The following SYN2 variants were observed in gnomAD, a reference collection of about 807,000 sequenced individuals.
The protein encoded by SYN2 is synapsin-2.
A neutral mutation model predicts 50.9 loss-of-function variants in SYN2; 19 were observed. The observed-to-expected ratio is 0.37, with a 90% confidence interval of 0.26 to 0.55. The LOEUF is 0.55. Among genes scored for constraint, SYN2 ranks in the 20% least tolerant of loss-of-function variants. SYN2 has a pLI of 0.81. For missense variants in SYN2, 587 were observed against 576.4 expected, an observed-to-expected ratio of 1.02 and a Z score of -0.19; for synonymous variants, 255 against 224.9, an observed-to-expected ratio of 1.13 and a Z score of -1.20.
At position 12,191,125 on chromosome 3, in the gene SYN2, G is replaced by A. The variant is rs1459090697; in HGVS notation, c.*500G>A. 1.8e-5 allele frequency: 18 copies of A among 986,182 alleles called. No homozygotes were observed. The highest frequency in any genetic ancestry group is 1.0e-3 in the Middle Eastern group (2 of 1,940). The allele number at this position is 986,182 out of a possible 1,614,324, so 61.1% of individuals were successfully genotyped here. A position where few individuals can be genotyped will look rare whatever the true frequency, so the allele number is the denominator to read the frequency against. The stretch of plus-strand genomic sequence containing the variant: ...GACCTGGATCCCTTGTCATACCTGT[G>A]TTACTGTTTAAAGCACACCCACCCA... On this transcript the variant is annotated 3_prime_UTR_variant, in exon 13 of 13. Transcript: ENST00000621198.
At chr3:12,154,224 C>A in intron 5 of SYN2, 1 of 1,517,494 alleles carries the variant, frequency 6.6e-7, no homozygotes. Flanking sequence ...TCATACAGTG[C>A]AGATCTCAAG....
intron 1 of SYN2, among the ~76,000 whole-genome samples, chr3:12,063,847 G>T (rs1695160055): frequency 6.6e-6 from 1 of 151,460 alleles, no homozygotes; most frequent in African/African-American, 2.4e-5. Context: ...AGGGAGAAGA[G>T]GAAAAAAAAT....
At chr3:12,165,790 C>A (rs1479788842) in intron 7 of SYN2, 1 of 152,172 alleles carries the variant, frequency 6.6e-6, no homozygotes. Flanking sequence ...TATTATGATT[C>A]TGTCTTCGTG....
rs149071627 is a variant in SYN2, at chr3:12,124,664, G to A, written c.378-15987G>A. Among the ~76,000 whole-genome samples the A allele has an allele frequency of 3.7e-3, 567 of 152,230 alleles. 3 individuals are homozygous for A. The highest frequency in any genetic ancestry group is 6.0e-3 in the Non-Finnish European group (405 of 68,030). On this transcript the variant is annotated intron_variant, in intron 1 of 12. Coordinates refer to ENST00000621198, the MANE Select transcript of SYN2 (RefSeq NM_133625.6). ...GAATACATGTCAGAAATATAACACC[G>A]AGTGGGAAAAATGCAGGTCGTAGGC...
chr3:12,168,147 C>G (rs1334805825), intron 8 of SYN2, among the ~76,000 whole-genome samples: 3 of 152,060 alleles, frequency 2.0e-5, no homozygotes, highest in African/African-American at 7.2e-5. Flanking sequence ...CCAAGGAGGC[C>G]TTCTAGATAT....
intron 3 of SYN2, among the ~76,000 whole-genome samples, chr3:12,144,492 T>G (rs1356190637): frequency 6.6e-6 from 1 of 152,180 alleles, no homozygotes; most frequent in Non-Finnish European, 1.5e-5. Flanking sequence ...CCAAGTACTG[T>G]CTGTTGTCTT....
intron 1 of SYN2, among the ~76,000 whole-genome samples, chr3:12,058,138 A>C (rs1472417584): frequency 6.6e-6 from 1 of 152,226 alleles, no homozygotes. Flanking sequence ...CACTGTAGAT[A>C]AGTAGGCCAT....
intron 1 of SYN2, among the ~76,000 whole-genome samples, chr3:12,103,806 A>C (rs900536884): frequency 6.6e-6 from 1 of 152,346 alleles, no homozygotes; most frequent in Admixed American, 6.5e-5. Flanking sequence ...AAATAAAAAA[A>C]GAAGTGGCCA....
At position 12,102,858 on chromosome 3, in the gene SYN2, G is replaced by C. The variant is rs377114892; in HGVS notation, c.378-37793G>C. Among the ~76,000 whole-genome samples the C allele has an allele frequency of 9.9e-5, 15 of 152,246 alleles. No individual in the cohort carries two copies. The East Asian group carries it at 2.7e-3, about 27-fold the overall frequency. ...TTACTGGATCATAACAGCCTATTCT[G>C]ATTGATACAGACATATAATGAACTA... is the stretch of plus-strand genomic sequence containing the variant. On this transcript the variant is annotated intron_variant, in intron 1 of 12. Coordinates refer to ENST00000621198, the MANE Select transcript of SYN2 (RefSeq NM_133625.6).
At chr3:12,097,151 C>T (rs1225289864) in intron 1 of SYN2, among the ~76,000 whole-genome samples, 1 of 152,186 alleles carries the variant, frequency 6.6e-6, no homozygotes, top group Non-Finnish European at 1.5e-5. Context: ...CCATTTGACT[C>T]AGCCATCCCA....
In SYN2 at chr3:12,012,970, T is replaced by C. The variant is rs145177326; in HGVS notation, c.377+8042T>C. Among the ~76,000 whole-genome samples, 635 of 152,344 alleles carry C rather than the reference T, an allele frequency of 4.2e-3. 5 individuals are homozygous for C. The highest frequency in any genetic ancestry group is 0.014 in the African/African-American group (582 of 41,580). On this transcript the variant is annotated intron_variant, in intron 1 of 12. Coordinates refer to ENST00000621198, the MANE Select transcript of SYN2 (RefSeq NM_133625.6). ...GTTATTTGCCCTTTTCCACTGACACTGGCCTTCTGCCTTCTCTGTAATATT... is the reference window on the plus strand; with the variant it reads ...GTTATTTGCCCTTTTCCACTGACACCGGCCTTCTGCCTTCTCTGTAATATT...
chr3:12,136,161 A>G (rs12495716), intron 1 of SYN2, among the ~76,000 whole-genome samples: 12,277 of 152,250 alleles, frequency 0.081, 864 homozygotes, highest in East Asian at 0.2. Flanking sequence ...GGAAGAAGCC[A>G]TGTTGGCTGT....
chr3:12,088,022 A>G (rs1481082126), intron 1 of SYN2, among the ~76,000 whole-genome samples: 1 of 152,202 alleles, frequency 6.6e-6, no homozygotes, highest in Non-Finnish European at 1.5e-5. Context: ...GACTTCTTGG[A>G]CAGGACCCCA....
Position 12,042,154 on chromosome 3 carries a change from G to C in SYN2, c.377+37226G>C, listed in dbSNP as rs1343649649. The stretch of plus-strand genomic sequence containing the variant: ...CCCATGGAATTTAAGATGGTACCTG[G>C]CATGTATCAGTATATTTGGTTAAAT... On this transcript the variant is annotated intron_variant, in intron 1 of 12. Transcript: ENST00000621198. 3.9e-5 allele frequency among the ~76,000 whole-genome samples: 6 copies of C among 152,208 alleles called. No individual in the cohort carries two copies. In the East Asian group the frequency reaches 1.2e-3, roughly 29 times the overall value.
At chr3:12,182,770 A>T (rs1364362012) in intron 10 of SYN2, among the ~76,000 whole-genome samples, 1 of 152,210 alleles carries the variant, frequency 6.6e-6, no homozygotes, top group African/African-American at 2.4e-5. Context: ...TCCAGATGAG[A>T]AGTGAGCCAA....
At chr3:12,006,129 C>T (rs1374387835) in intron 1 of SYN2, among the ~76,000 whole-genome samples, 2 of 152,034 alleles carry the variant, frequency 1.3e-5, no homozygotes, top group African/African-American at 4.8e-5. Context: ...CTTTCTCTCT[C>T]TAGCATTCTC....
chr3:12,125,070 A>C (rs1195707632), intron 1 of SYN2, among the ~76,000 whole-genome samples: 1 of 151,290 alleles, frequency 6.6e-6, no homozygotes, highest in Non-Finnish European at 1.5e-5. Flanking sequence ...GCTGGAGTGC[A>C]ATGGCACAAT....
At chr3:12,064,638 A>T (rs1447269163) in intron 1 of SYN2, among the ~76,000 whole-genome samples, 1 of 152,150 alleles carries the variant, frequency 6.6e-6, no homozygotes, top group East Asian at 1.9e-4. Flanking sequence ...GCTCAACCTC[A>T]TTAGTTCTAA....
chr3:12,010,642 A>C (rs1331551595), intron 1 of SYN2, among the ~76,000 whole-genome samples: 1 of 152,212 alleles, frequency 6.6e-6, no homozygotes. Flanking sequence ...GAGAGGATTG[A>C]AATATATTCT....
Sources: gnomAD v4.1 joint callset for allele counts (sites outside exome capture counted in the v4.1 genomes callset) on GRCh38, gnomAD v4.1.1 for gene constraint, MANE v1.5 for transcripts, NCBI Gene and HGNC (gene_info 2026-07-23, HGNC 2026-07-21) for gene names.